The following MYO3A variants were observed in gnomAD, a reference collection of about 807,000 sequenced individuals.
The protein encoded by MYO3A is myosin IIIA, also known as myosin-IIIa.
MYO3A carries 180 observed loss-of-function variants against 192.7 expected under a neutral mutation model. The ratio of observed to expected loss-of-function variants is 0.93; its 90% CI spans 0.83 to 1.06. MYO3A has a LOEUF of 1.06. Among genes scored for constraint, MYO3A ranks in the 50% least tolerant of loss-of-function variants. The pLI is 0.00. For missense variants in MYO3A, 1,896 were observed against 1,905.0 expected (o/e 1.00, Z 0.09); for synonymous variants, 628 against 645.3 (o/e 0.97, Z 0.41).
intron 14 of MYO3A, among the ~76,000 whole-genome samples, chr10:26,075,806 GAT>G (rs753774047): frequency 3.8e-4 from 54 of 143,594 alleles, no homozygotes; most frequent in Non-Finnish European, 6.5e-4. Context: ...TCATATATAT[GAT>G]ATATATATGT....
chr10:25,934,291 C>G lies in MYO3A; in HGVS notation c.-142C>G, dbSNP rs1315106318. 6.6e-6 allele frequency: 1 copy of G among 152,412 alleles called. No homozygotes were observed. Among genetic ancestry groups the G allele is most frequent in the Non-Finnish European group, 1.5e-5 (1 of 68,182 alleles). 9.4% of individuals were successfully genotyped at this position (152,412 alleles called of 1,614,324 possible). On this transcript the variant is annotated 5_prime_UTR_variant, in exon 1 of 35. Coordinates refer to ENST00000642920, the MANE Select transcript of MYO3A (RefSeq NM_017433.5). ...GAGGGAGCGCCCGTAGCCAGCGCCC[C>G]CGTAAAGAAATAAGGAGGCGCCCGG... is the stretch of plus-strand genomic sequence containing the variant.
intron 15 of MYO3A, among the ~76,000 whole-genome samples, chr10:26,092,883 C>T (rs7916320): frequency 4.6e-5 from 7 of 151,996 alleles, no homozygotes; most frequent in Non-Finnish European, 7.4e-5. Context: ...TGATATGGTT[C>T]GTGACCCCGG....
intron 2 of MYO3A, among the ~76,000 whole-genome samples, chr10:25,950,371 A>C (rs550383138): frequency 2.1e-4 from 32 of 152,308 alleles, no homozygotes; most frequent in African/African-American, 7.5e-4. Flanking sequence ...AACAGCAAAG[A>C]GGGAACAATT....
At chr10:26,211,721 T>G in intron 34 of MYO3A, 122 bp from the exon 35 acceptor site, 2 of 1,442,438 alleles carry the variant, frequency 1.4e-6, no homozygotes, top group Non-Finnish European at 1.9e-6. Flanking sequence ...CGATTGTGCC[T>G]TTCCTAAATG....
intron 14 of MYO3A, among the ~76,000 whole-genome samples, chr10:26,087,518 G>T (rs1836410383): frequency 6.6e-6 from 1 of 152,102 alleles, no homozygotes; most frequent in Non-Finnish European, 1.5e-5. Flanking sequence ...CTAAACCTCT[G>T]GGGGCAGAGG....
At chr10:25,960,407 TAGG>T (rs747542282) in intron 4 of MYO3A, among the ~76,000 whole-genome samples, 220 of 152,282 alleles carry the variant, frequency 1.4e-3, no homozygotes, top group Non-Finnish European at 2.4e-3. Flanking sequence ...TTTTAATTGT[TAGG>T]GATGACAATC....
chr10:26,163,860 A>G (rs1186149100), intron 26 of MYO3A, among the ~76,000 whole-genome samples: 1 of 152,246 alleles, frequency 6.6e-6, no homozygotes, highest in African/African-American at 2.4e-5. Context: ...GGAACACTGT[A>G]GAACACTAGC....
rs569745409 is a variant in MYO3A at position 26,147,668 on chromosome 10, G to A, written c.2635+109G>A. The A allele has an allele frequency of 1.9e-3, 2,876 of 1,500,148 alleles. 4 individuals are homozygous for A. The highest frequency in any genetic ancestry group is 2.5e-3 in the Non-Finnish European group (2,715 of 1,092,526). 92.9% of individuals were successfully genotyped at this position (1,500,148 alleles called of 1,614,324 possible). A position where few individuals can be genotyped will look rare whatever the true frequency, so the allele number is the denominator to read the frequency against. ...TAATTTTTCATGTGAGTTTGTTTTCGGCTCACTAAATATTCATTTGTTAAT... is the reference window on the plus strand; with the variant it reads ...TAATTTTTCATGTGAGTTTGTTTTCAGCTCACTAAATATTCATTTGTTAAT... On this transcript the variant is annotated intron_variant, in intron 23 of 34. Coordinates refer to ENST00000642920, the MANE Select transcript of MYO3A (RefSeq NM_017433.5).
chr10:26,048,599 A>C (rs954779490), intron 10 of MYO3A, among the ~76,000 whole-genome samples: 2 of 151,968 alleles, frequency 1.3e-5, no homozygotes, highest in East Asian at 3.9e-4. Context: ...GCCTGACAGC[A>C]CCTGGGCAGC....
intron 17 of MYO3A, among the ~76,000 whole-genome samples, chr10:26,097,042 A>G (rs1286493117): frequency 1.3e-5 from 2 of 151,886 alleles, no homozygotes; most frequent in East Asian, 1.9e-4. Context: ...TAATTTCCAT[A>G]CAATATAATT....
Position 26,099,925 on chromosome 10 carries a change from T to C in MYO3A, c.1776+3243T>C, listed in dbSNP as rs941192171. On this transcript the variant is annotated intron_variant, in intron 17 of 34. Transcript: ENST00000642920. ...TGGTGTCAGGCTGACGCTGGCCTCA[T>C]AAAATGACTTAGGGAGGATTCCCTC... 1.1e-4 allele frequency among the ~76,000 whole-genome samples: 17 copies of C among 152,322 alleles called. No homozygotes were observed. The East Asian group carries it at 2.9e-3, about 26-fold the overall frequency.
intron 17 of MYO3A, among the ~76,000 whole-genome samples, chr10:26,098,322 A>T (rs1837192327): frequency 1.3e-5 from 2 of 152,234 alleles, no homozygotes; most frequent in South Asian, 4.1e-4. Flanking sequence ...GCCCTTTGTC[A>T]GATGGGTAGA....
chr10:26,154,862 CTATT>C, intron 25 of MYO3A, 39 bp downstream of exon 25: 1 of 1,530,170 alleles, frequency 6.5e-7, no homozygotes, highest in South Asian at 1.2e-5. Flanking sequence ...CTTAGGGGTG[CTATT>C]TAGTCTAAAT....
chr10:26,036,147 G>A (rs1460708309), intron 10 of MYO3A, among the ~76,000 whole-genome samples: 1 of 151,918 alleles, frequency 6.6e-6, no homozygotes, highest in Non-Finnish European at 1.5e-5. Context: ...CACTGTGTTA[G>A]CCAGAATGGT....
intron 4 of MYO3A, among the ~76,000 whole-genome samples, chr10:25,981,539 A>G (rs188554616): frequency 3.9e-5 from 6 of 152,342 alleles, no homozygotes; most frequent in African/African-American, 1.4e-4. Context: ...AACATCTATT[A>G]TGATAAAGGA....
At chr10:26,137,234 T>C (rs1216798110) in intron 20 of MYO3A, among the ~76,000 whole-genome samples, 2 of 152,182 alleles carry the variant, frequency 1.3e-5, no homozygotes, top group African/African-American at 4.8e-5. Flanking sequence ...ATTCCAGACA[T>C]GGGTAATTTC....
In MYO3A at chr10:26,173,152, C is replaced by T. The variant is rs527992803; in HGVS notation, c.3399-511C>T. On this transcript the variant is annotated intron_variant, in intron 29 of 34. Transcript: ENST00000642920. The stretch of plus-strand genomic sequence containing the variant: ...AAAGTAGCAACTGTGAAATTTTGGC[C>T]ACCGTATTACATGATCATGAACTGT... 2.0e-5 allele frequency among the ~76,000 whole-genome samples: 3 copies of T among 151,928 alleles called. No individual in the cohort carries two copies. The East Asian group carries it at 5.8e-4, about 29-fold the overall frequency.
At chr10:25,938,420 T>C (rs1836254613) in intron 2 of MYO3A, among the ~76,000 whole-genome samples, 1 of 152,190 alleles carries the variant, frequency 6.6e-6, no homozygotes, top group Non-Finnish European at 1.5e-5. Flanking sequence ...TGGTAAAGAA[T>C]GTGGATTTTG....
intron 17 of MYO3A, among the ~76,000 whole-genome samples, chr10:26,104,496 G>T (rs1264328897): frequency 6.6e-6 from 1 of 151,904 alleles, no homozygotes; most frequent in Non-Finnish European, 1.5e-5. Context: ...CAAATATATA[G>T]GTTTATTTCT....
Sources: gnomAD v4.1 joint callset for allele counts (sites outside exome capture counted in the v4.1 genomes callset) on GRCh38, gnomAD v4.1.1 for gene constraint, MANE v1.5 for transcripts, NCBI Gene and HGNC (gene_info 2026-07-23, HGNC 2026-07-21) for gene names.